Variants in HHAT observed in about 807,000 individuals in gnomAD.
The protein encoded by HHAT is protein-cysteine N-palmitoyltransferase HHAT.
In HHAT, 47 loss-of-function variants were observed where a neutral mutation model predicts 70.8. The ratio of observed to expected loss-of-function variants is 0.66; its 90% CI spans 0.53 to 0.85. HHAT has a LOEUF of 0.85. HHAT is among the 40% of genes least tolerant of loss of function. The pLI is 0.00. For synonymous variants in HHAT, 228 were observed against 247.6 expected (o/e 0.92, Z 0.74); for missense variants, 609 against 604.8 (o/e 1.01, Z -0.07).
intron 6 of HHAT, among the ~76,000 whole-genome samples, chr1:210,410,397 A>G (rs991328050): frequency 1.3e-5 from 2 of 150,896 alleles, no homozygotes; most frequent in African/African-American, 4.9e-5. Flanking sequence ...TTGCAGATGT[A>G]AATGGACTGT....
chr1:210,587,343 C>G (rs769134620), intron 9 of HHAT, among the ~76,000 whole-genome samples: 10 of 152,160 alleles, frequency 6.6e-5, no homozygotes, highest in South Asian at 2.1e-4. Flanking sequence ...GGGGAACTGC[C>G]CTTTATACAA....
intron 7 of HHAT, chr1:210,462,956 A>G (rs1315406126): frequency 6.6e-6 from 1 of 152,160 alleles, no homozygotes; most frequent in East Asian, 1.9e-4. Flanking sequence ...CCACATCGAC[A>G]TGTCCTGCAG....
chr1:210,650,503 A>G (rs1389213391), intron 11 of HHAT, among the ~76,000 whole-genome samples: 1 of 152,216 alleles, frequency 6.6e-6, no homozygotes, highest in Non-Finnish European at 1.5e-5. Context: ...AAAGGGTTGA[A>G]CTATAGGTGC....
At chr1:210,378,125 C>T (rs140246389) in intron 3 of HHAT, among the ~76,000 whole-genome samples, 177 of 152,310 alleles carry the variant, frequency 1.2e-3, no homozygotes, top group African/African-American at 3.3e-3. Context: ...TGAGTTCATT[C>T]GGAGAGCAGT....
intron 4 of HHAT, among the ~76,000 whole-genome samples, chr1:210,399,246 T>A (rs928625824): frequency 5.3e-5 from 8 of 152,268 alleles, no homozygotes; most frequent in African/African-American, 1.7e-4. Context: ...AAGGAGATAT[T>A]GTTATTATTC....
intron 9 of HHAT, among the ~76,000 whole-genome samples, chr1:210,583,947 ATTTTTTTTTT>A (rs371722219): frequency 1.1e-5 from 1 of 88,992 alleles, no homozygotes; most frequent in African/African-American, 4.3e-5. Context: ...AGTGCAGCTA[ATTTTTTTTTT>A]TTTTTTTTTT....
intron 2 of HHAT, among the ~76,000 whole-genome samples, chr1:210,356,156 G>A (rs1471010209): frequency 6.6e-6 from 1 of 151,250 alleles, no homozygotes. Flanking sequence ...TAAACCCCTG[G>A]CCTCAAGCCA....
intron 3 of HHAT, among the ~76,000 whole-genome samples, chr1:210,379,233 A>G (rs1369507822): frequency 6.6e-6 from 1 of 152,224 alleles, no homozygotes; most frequent in Non-Finnish European, 1.5e-5. Flanking sequence ...GGTCTCTGCC[A>G]CCATTTTCTT....
chr1:210,424,008 C>G (rs2092982813), intron 7 of HHAT, among the ~76,000 whole-genome samples: 1 of 152,134 alleles, frequency 6.6e-6, no homozygotes, highest in Admixed American at 6.5e-5. Context: ...CTCAGAATTG[C>G]TTTGGCTGGT....
intron 7 of HHAT, among the ~76,000 whole-genome samples, chr1:210,424,436 CTTTTTT>C (rs35138149): frequency 7.0e-6 from 1 of 142,288 alleles, no homozygotes; most frequent in Non-Finnish European, 1.5e-5. Context: ...GGTTTTTTTT[CTTTTTT>C]TTTAACTCTC....
At chr1:210,397,457 G>GTATGTCTGC (rs112108198) in intron 4 of HHAT, among the ~76,000 whole-genome samples, 4,041 of 151,862 alleles carry the variant, frequency 0.027, 185 homozygotes, top group African/African-American at 0.087. Context: ...ACCAAATCTT[G>GTATGTCTGC]TATGTCTGCT....
At chr1:210,329,941 C>G (rs1473268779) in intron 1 of HHAT, among the ~76,000 whole-genome samples, 4 of 152,110 alleles carry the variant, frequency 2.6e-5, no homozygotes, top group Admixed American at 2.6e-4. Flanking sequence ...AGACGAGGGT[C>G]TCACCGTGTT....
chr1:210,452,566 T>C (rs1232103880), intron 7 of HHAT, among the ~76,000 whole-genome samples: 1 of 152,248 alleles, frequency 6.6e-6, no homozygotes, highest in African/African-American at 2.4e-5. Flanking sequence ...GTAGTATCTC[T>C]AAAAGATAAG....
chr1:210,440,373 G>A (rs1445044120), intron 7 of HHAT, among the ~76,000 whole-genome samples: 1 of 151,616 alleles, frequency 6.6e-6, no homozygotes, highest in Non-Finnish European at 1.5e-5. Context: ...TCTGCAGGTT[G>A]GGTAATTCTT....
At chr1:210,486,048 G>GA (rs2094468310) in intron 8 of HHAT, among the ~76,000 whole-genome samples, 1 of 152,114 alleles carries the variant, frequency 6.6e-6, no homozygotes, top group African/African-American at 2.4e-5. Flanking sequence ...ATTGAGGCAG[G>GA]AATTATACGT....
chr1:210,350,138 C>A (rs1247934829), intron 2 of HHAT, among the ~76,000 whole-genome samples: 2 of 152,154 alleles, frequency 1.3e-5, no homozygotes, highest in Non-Finnish European at 2.9e-5. Context: ...TATTCTGGGT[C>A]TTTTGCCTGT....
intron 9 of HHAT, among the ~76,000 whole-genome samples, chr1:210,547,172 A>G (rs996057343): frequency 6.6e-6 from 1 of 152,154 alleles, no homozygotes; most frequent in Non-Finnish European, 1.5e-5. Flanking sequence ...GCTACTAAAA[A>G]TACAAAATTA....
At chr1:210,422,282 C>T (rs541800387) in intron 7 of HHAT, among the ~76,000 whole-genome samples, 136 of 152,300 alleles carry the variant, frequency 8.9e-4, no homozygotes, top group Non-Finnish European at 1.8e-3. Flanking sequence ...TGGGAACATT[C>T]AGTATTTTCC....
chr1:210,567,244 C>T (rs972993898), intron 9 of HHAT, among the ~76,000 whole-genome samples: 1 of 152,216 alleles, frequency 6.6e-6, no homozygotes, highest in Non-Finnish European at 1.5e-5. Context: ...CTTTCTTACT[C>T]TTAGACATTT....
Sources: allele counts gnomAD v4.1 joint callset (sites outside exome capture counted in the v4.1 genomes callset), GRCh38; gene constraint gnomAD v4.1.1; transcripts MANE v1.5; gene names NCBI Gene and HGNC (gene_info 2026-07-23, HGNC 2026-07-21).